Variants in ZZEF1 observed in about 807,000 individuals in gnomAD.
The protein encoded by ZZEF1 is zinc finger ZZ-type and EF-hand domain containing 1, also known as zinc finger ZZ-type and EF-hand domain-containing protein 1.
In ZZEF1, 157 loss-of-function variants were observed where a neutral mutation model predicts 342.8. That is an observed-to-expected ratio of 0.46 (90% CI 0.40 to 0.52). The LOEUF is 0.52. Among genes scored for constraint, ZZEF1 ranks in the 20% least tolerant of loss-of-function variants. The probability of loss-of-function intolerance (pLI) is 0.00; values close to 1 mark genes in which losing one functional copy is unlikely to be tolerated. For synonymous variants in ZZEF1, 1,505 were observed against 1,429.1 expected (o/e 1.05, Z -1.20); for missense variants, 3,480 against 3,725.6 (o/e 0.93, Z 1.72).
intron 42 of ZZEF1, among the ~76,000 whole-genome samples, chr17:4,025,949 C>T (rs2056393921): frequency 6.6e-6 from 1 of 152,156 alleles, no homozygotes; most frequent in African/African-American, 2.4e-5. Context: ...CAGAATCCAG[C>T]AGTCTCAATG....
In ZZEF1 at chr17:4,085,795, T is replaced by C. The variant is rs1313710073; in HGVS notation, c.2521A>G (p.Lys841Glu). 1 of 1,614,002 alleles carries C rather than the reference T, an allele frequency of 6.2e-7. No individual in the cohort carries two copies. Among genetic ancestry groups the C allele is most frequent in the African/African-American group, 1.3e-5 (1 of 75,032 alleles). Residue 841 changes from lysine to glutamate, a missense_variant, in exon 16 of 55, where the codon AAG becomes GAG. Around this residue, in one of 5 missense-constraint regions of ZZEF1, gnomAD observed 1,528 missense variants for 1,624.1 expected, o/e 0.94. Transcript: ENST00000381638. ...LYTHLCDVVDKVDGDSVPMEI... is the reference protein window; with the variant it reads ...LYTHLCDVVDEVDGDSVPMEI... ...ATGGGCACAGAGTCTCCATCCACCT[T>C]GTCCACCACTGATAAAATGAACAAT...
Position 4,064,302 on chromosome 17 carries a change from TA to T in ZZEF1, c.4718+58del. The stretch of plus-strand genomic sequence containing the variant: ...TTAACATGAACTTCAAGCCTCTGAC[TA>T]GACTGGGTACCTACGGCTTAAAAAG... On this transcript the variant is annotated intron_variant, in intron 29 of 54. Coordinates refer to ENST00000381638, the MANE Select transcript of ZZEF1 (RefSeq NM_015113.4). 23 of 1,348,548 alleles carry T rather than the reference TA, an allele frequency of 1.7e-5. No homozygotes were observed. In the South Asian group the frequency reaches 2.8e-4, roughly 16 times the overall value. The allele number at this position is 1,348,548 out of a possible 1,614,324, so 83.5% of individuals were successfully genotyped here.
chr17:4,020,657 T>G (rs979358323), intron 45 of ZZEF1, among the ~76,000 whole-genome samples: 1 of 152,228 alleles, frequency 6.6e-6, no homozygotes, highest in East Asian at 1.9e-4. Flanking sequence ...TTTTCTGACA[T>G]TCTACGCTAC....
At chr17:4,043,285 T>C (rs895586491) in intron 38 of ZZEF1, among the ~76,000 whole-genome samples, 1 of 152,228 alleles carries the variant, frequency 6.6e-6, no homozygotes, top group African/African-American at 2.4e-5. Context: ...TAATACTTGA[T>C]GAATGAATAA....
At position 4,067,982 on chromosome 17, in the gene ZZEF1, G is replaced by A. The variant is rs1167620095; in HGVS notation, c.4076-740C>T. ...AGTCCTAGCTACTAGGGAGGCTGAG[G>A]TAGGAAGATCACTTGAGACCAGGAA... On this transcript the variant is annotated intron_variant, in intron 26 of 54. Transcript: ENST00000381638. Among the ~76,000 whole-genome samples the A allele has an allele frequency of 5.3e-5, 8 of 152,302 alleles. No homozygotes were observed. In the East Asian group the frequency reaches 1.5e-3, roughly 29 times the overall value.
chr17:4,062,618 G>A (rs2057308441), intron 30 of ZZEF1, 135 bp downstream of exon 30: 1 of 983,010 alleles, frequency 1.0e-6, no homozygotes, highest in Non-Finnish European at 1.4e-6. Context: ...TCCTTGGAAT[G>A]AGAGAATGAA....
intron 54 of ZZEF1, among the ~76,000 whole-genome samples, chr17:4,007,552 G>C (rs940122159): frequency 6.6e-6 from 1 of 152,166 alleles, no homozygotes; most frequent in East Asian, 1.9e-4. Flanking sequence ...AGACTGGACA[G>C]GGGCAGCAAG....
chr17:4,070,859 A>G lies in ZZEF1; in HGVS notation c.3900T>C (p.Ala1300=), dbSNP rs991817716. The part of the protein sequence containing the change: ...FLLDFAQSEP[A]QNFCGPYSEL... The stretch of plus-strand genomic sequence containing the variant: ...CTGAATATGGCCCACAGAAGTTCTG[A>G]GCAGGCTCTGACTGGGCAAAATCAA... Residue 1300 remains alanine, a synonymous_variant, in exon 26 of 55, where the codon GCT becomes GCC. Coordinates refer to ENST00000381638, the MANE Select transcript of ZZEF1 (RefSeq NM_015113.4). 2.5e-6 allele frequency: 4 copies of G among 1,614,178 alleles called. No individual in the cohort carries two copies. The highest frequency in any genetic ancestry group is 3.4e-6 in the Non-Finnish European group (4 of 1,180,038).
intron 13 of ZZEF1, among the ~76,000 whole-genome samples, chr17:4,087,782 CAACACACACACACACACACA>C (rs1404818718): frequency 1.2e-5 from 1 of 81,976 alleles, no homozygotes; most frequent in Non-Finnish European, 2.4e-5. Flanking sequence ...TATATACACA[CAACACACACACACACACACA>C]CACACACACA....
At position 4,065,588 on chromosome 17, in the gene ZZEF1, G is replaced by C. The variant is rs564570346; in HGVS notation, c.4250-759C>G. 3.3e-5 allele frequency among the ~76,000 whole-genome samples: 5 copies of C among 151,924 alleles called. No individual in the cohort carries two copies. The South Asian group carries it at 1.0e-3, about 32-fold the overall frequency. On this transcript the variant is annotated intron_variant, in intron 28 of 54. Transcript: ENST00000381638. ...ATGTATATAGAGAAAATACCATAAG[G>C]ACCCTTCCATGTACCTGTCACTCAG...
At position 4,019,727 on chromosome 17, in the gene ZZEF1, C is replaced by A. The variant is rs1307467696; in HGVS notation, c.7447G>T (p.Ala2483Ser). ...TTTTTCATCTGCAGTTCGTATATGG[C>A]CCGGAGAATGTGCAGAGGGGCATTG... ...ALNAPLHILR[A>S]IYELQMKKTD... Residue 2483 changes from alanine to serine, a missense_variant, in exon 46 of 55, where the codon GCC becomes TCC. Ala to Ser is a moderately conservative substitution (Grantham distance 99, BLOSUM62 1). This residue lies in a region of ZZEF1 where 1,269 missense variants were observed against 1,342.4 expected (regional missense o/e 0.95). Transcript: ENST00000381638. 1.9e-6 allele frequency: 3 copies of A among 1,612,350 alleles called. No homozygotes were observed. The African/African-American group carries it at 4.0e-5, about 22-fold the overall frequency.
At chr17:4,097,247 G>A (rs541745822) in intron 9 of ZZEF1, among the ~76,000 whole-genome samples, 1,010 of 85,332 alleles carry the variant, frequency 0.012, 12 homozygotes, top group African/African-American at 0.03. Context: ...GTGAAACTCC[G>A]TCTCAAAAAA....
chr17:4,036,817 A>ACACACTCTCT (rs754105162), intron 39 of ZZEF1, among the ~76,000 whole-genome samples: 1 of 72,616 alleles, frequency 1.4e-5, no homozygotes. Context: ...ACACACACAC[A>ACACACTCTCT]CTCTCTCTCT....
intron 52 of ZZEF1, among the ~76,000 whole-genome samples, chr17:4,010,923 A>G (rs774933748): frequency 1.2e-4 from 18 of 151,990 alleles, no homozygotes; most frequent in Non-Finnish European, 1.8e-4. Flanking sequence ...CTGCTTTTAT[A>G]AACAGAAAAG....
chr17:4,119,870 G>C (rs1228767162), intron 2 of ZZEF1, among the ~76,000 whole-genome samples: 2 of 151,982 alleles, frequency 1.3e-5, no homozygotes, highest in African/African-American at 2.4e-5. Flanking sequence ...TAAACTCCTT[G>C]ATTCTCAAGA....
In ZZEF1 at chr17:4,017,809, CT is replaced by C; in HGVS notation, c.7641+26del. 6.2e-7 allele frequency: 1 copy of C among 1,614,096 alleles called. No individual in the cohort carries two copies. Among genetic ancestry groups the C allele is most frequent in the Non-Finnish European group, 8.5e-7 (1 of 1,180,020 alleles). ...TGGGGTGGGGGATGGGGTGCAGATA[CT>C]TTGGGTCCGAGGTCGGGTGACATAC... On this transcript the variant is annotated intron_variant, in intron 47 of 54. Coordinates refer to ENST00000381638, the MANE Select transcript of ZZEF1 (RefSeq NM_015113.4). This position sits in a 1 kb window ranked among gnomAD's most constrained non-coding sequence, Gnocchi z 5.1.
chr17:4,064,067 G>T (rs72827337), intron 29 of ZZEF1, among the ~76,000 whole-genome samples: 13 of 151,616 alleles, frequency 8.6e-5, no homozygotes, highest in South Asian at 2.1e-4. Flanking sequence ...AGATGGAGGG[G>T]GGGGGGTCTC....
Position 4,090,835 on chromosome 17 carries a change from AAAGAC to A in ZZEF1, c.1914-10_1914-6del. 6.2e-7 allele frequency: 1 copy of A among 1,608,326 alleles called. No individual in the cohort carries two copies. Among genetic ancestry groups the A allele is most frequent in the Non-Finnish European group, 8.5e-7 (1 of 1,174,940 alleles). ...TCATCAGATGAGCAACCAATCCTGT[AAAGAC>A]AAGAGTATTCACAAAACATTTTATT... On this transcript the variant is annotated splice_region_variant and splice_polypyrimidine_tract_variant and intron_variant, in intron 11 of 54. Coordinates refer to ENST00000381638, the MANE Select transcript of ZZEF1 (RefSeq NM_015113.4).
chr17:4,007,954 C>G (rs2055847119), intron 54 of ZZEF1, among the ~76,000 whole-genome samples: 1 of 151,904 alleles, frequency 6.6e-6, no homozygotes, highest in East Asian at 1.9e-4. Flanking sequence ...TAGCTGTCCT[C>G]CGGGGGGGTG....
Sources: gnomAD v4.1 joint callset for allele counts (sites outside exome capture counted in the v4.1 genomes callset) on GRCh38, gnomAD v4.1.1 for gene constraint, gnomAD v4.1.1 regional missense constraint, Gnocchi (gnomAD v3.1) non-coding constraint, MANE v1.5 for transcripts, NCBI Gene and HGNC (gene_info 2026-07-23, HGNC 2026-07-21) for gene names.